The following RBFOX1 variants were observed in gnomAD, a reference collection of about 807,000 sequenced individuals.
RBFOX1 encodes RNA binding fox-1 homolog 1, also known as RNA binding protein fox-1 homolog 1.
Under a neutral mutation model 57.7 loss-of-function variants are expected in RBFOX1, and 8 were observed. The ratio of observed to expected loss-of-function variants is 0.14; its 90% CI spans 0.08 to 0.25. The LOEUF (loss-of-function observed/expected upper bound fraction) is 0.25. Among genes scored for constraint, RBFOX1 ranks in the 10% least tolerant of loss-of-function variants. RBFOX1 has a pLI of 1.00. For synonymous variants in RBFOX1, 326 were observed against 222.4 expected (o/e 1.47, Z -4.15); for missense variants, 611 against 548.5 (o/e 1.11, Z -1.14).
intron 4 of RBFOX1, among the ~76,000 whole-genome samples, chr16:7,195,334 T>C (rs1455635608): frequency 6.6e-6 from 1 of 152,156 alleles, no homozygotes; most frequent in Non-Finnish European, 1.5e-5. Flanking sequence ...TGCAGTGTCT[T>C]TTCTAGCCAG....
intron 3 of RBFOX1, among the ~76,000 whole-genome samples, chr16:6,874,241 G>A (rs2061433270): frequency 6.6e-6 from 1 of 152,118 alleles, no homozygotes; most frequent in Admixed American, 6.5e-5. Flanking sequence ...CAGGCAAAGT[G>A]GTTCACACTT....
At chr16:7,686,226 A>G (rs1201479058) in intron 14 of RBFOX1, among the ~76,000 whole-genome samples, 2 of 151,824 alleles carry the variant, frequency 1.3e-5, no homozygotes, top group Non-Finnish European at 2.9e-5. Flanking sequence ...AACGGGTTTT[A>G]TGAGTTAGAA....
intron 4 of RBFOX1, among the ~76,000 whole-genome samples, chr16:7,479,390 A>G (rs1044233639): frequency 6.6e-6 from 1 of 152,072 alleles, no homozygotes; most frequent in Admixed American, 6.5e-5. Flanking sequence ...TTGGCCTCCC[A>G]AAGTGCTGGG....
intron 3 of RBFOX1, among the ~76,000 whole-genome samples, chr16:6,908,045 A>G (rs1276957780): frequency 1.3e-5 from 2 of 151,736 alleles, no homozygotes; most frequent in Non-Finnish European, 3.0e-5. Context: ...TATCCAAATC[A>G]TCTTTACTTG....
At chr16:6,240,694 A>T (rs992597886) in intron 1 of RBFOX1, among the ~76,000 whole-genome samples, 2 of 151,942 alleles carry the variant, frequency 1.3e-5, no homozygotes, top group Non-Finnish European at 2.9e-5. Flanking sequence ...TAAAAAAAAA[A>T]TGCCATTGCT....
chr16:7,497,887 G>C (rs1292045415), intron 4 of RBFOX1, among the ~76,000 whole-genome samples: 2 of 152,182 alleles, frequency 1.3e-5, no homozygotes, highest in African/African-American at 4.8e-5. Context: ...GAGCTCTGTA[G>C]GCTATTTGTA....
chr16:6,056,657 A>T (rs1398750779), intron 1 of RBFOX1, among the ~76,000 whole-genome samples: 1 of 152,182 alleles, frequency 6.6e-6, no homozygotes, highest in Non-Finnish European at 1.5e-5. Context: ...GACCAAATCA[A>T]TGAAGATACT....
intron 1 of RBFOX1, among the ~76,000 whole-genome samples, chr16:6,203,209 C>T (rs1598336718): frequency 6.6e-6 from 1 of 152,128 alleles, no homozygotes; most frequent in South Asian, 2.1e-4. Context: ...GAGCTTATTG[C>T]ATTACTGGAG....
chr16:6,475,669 C>T (rs909736580), intron 2 of RBFOX1, among the ~76,000 whole-genome samples: 6 of 152,156 alleles, frequency 3.9e-5, no homozygotes, highest in Admixed American at 3.9e-4. Flanking sequence ...GGTGTCAGGA[C>T]AAAGAAAATC....
chr16:7,053,935 T>C (rs1281646232), intron 4 of RBFOX1, among the ~76,000 whole-genome samples: 1 of 152,000 alleles, frequency 6.6e-6, no homozygotes, highest in Non-Finnish European at 1.5e-5. Flanking sequence ...ATATATAGGG[T>C]TCAAAATTTA....
intron 3 of RBFOX1, among the ~76,000 whole-genome samples, chr16:5,743,974 G>A (rs527764502): frequency 6.6e-6 from 1 of 152,294 alleles, no homozygotes; most frequent in African/African-American, 2.4e-5. Context: ...TAGGTTGTTT[G>A]CATCCTTTCC....
chr16:5,303,109 C>A (rs1377059684), intron 1 of RBFOX1, among the ~76,000 whole-genome samples: 1 of 152,156 alleles, frequency 6.6e-6, no homozygotes, highest in Non-Finnish European at 1.5e-5. Context: ...AAACTTCAAG[C>A]TAGAAAATGA....
chr16:5,733,276 C>T (rs1567463781), intron 3 of RBFOX1, among the ~76,000 whole-genome samples: 1 of 152,168 alleles, frequency 6.6e-6, no homozygotes, highest in Non-Finnish European at 1.5e-5. Flanking sequence ...CGCTTCTGAG[C>T]ACCACTGACT....
chr16:6,854,551 C>T (rs1261796934), intron 3 of RBFOX1, among the ~76,000 whole-genome samples: 3 of 150,880 alleles, frequency 2.0e-5, no homozygotes, highest in African/African-American at 7.3e-5. Context: ...TCTTCTGAAC[C>T]TCACGCATTA....
chr16:5,955,118 T>TTAAAAA (rs2059599305), intron 4 of RBFOX1, among the ~76,000 whole-genome samples: 5 of 14,286 alleles, frequency 3.5e-4, no homozygotes, highest in African/African-American at 1.4e-3. Context: ...CCATCTCTAC[T>TTAAAAA]AAAAAAAAAA....
chr16:5,319,841 C>T (rs761029720), intron 1 of RBFOX1, among the ~76,000 whole-genome samples: 2 of 152,202 alleles, frequency 1.3e-5, no homozygotes, highest in African/African-American at 2.4e-5. Flanking sequence ...TCTGTGACTA[C>T]ATCATGCTCT....
Position 5,627,404 on chromosome 16 carries a change from C to T in RBFOX1, c.318+28443C>T, listed in dbSNP as rs748827687. Reference sequence around the variant, plus strand: ...ACATTCAGCAATTTTGCCTTTTAACCATAGTGATCTTGGGGTGTGTGTGTG... The same window carrying T: ...ACATTCAGCAATTTTGCCTTTTAACTATAGTGATCTTGGGGTGTGTGTGTG... On this transcript the variant is annotated intron_variant, in intron 3 of 19. Transcript: ENST00000641259. Among the ~76,000 whole-genome samples the T allele has an allele frequency of 5.5e-5, 8 of 145,654 alleles. 1 individual carries two copies. The South Asian group carries it at 6.2e-4, about 11-fold the overall frequency.
intron 1 of RBFOX1, among the ~76,000 whole-genome samples, chr16:6,197,310 C>A (rs2052230): frequency 0.97 from 148,177 of 152,004 alleles, 72,342 homozygotes; most frequent in East Asian, 1. Context: ...ATTTTATCAT[C>A]CGTATCTCCC....
intron 4 of RBFOX1, among the ~76,000 whole-genome samples, chr16:5,942,094 G>T (rs2059291990): frequency 6.6e-6 from 1 of 152,098 alleles, no homozygotes. Flanking sequence ...CACCCAGTGG[G>T]TTCTTCTTGC....
Sources: gnomAD v4.1 joint callset for allele counts (sites outside exome capture counted in the v4.1 genomes callset) on GRCh38, gnomAD v4.1.1 for gene constraint, MANE v1.5 for transcripts, NCBI Gene and HGNC (gene_info 2026-07-23, HGNC 2026-07-21) for gene names.